PCDH15: variants seen among roughly 807,000 people sequenced by gnomAD.
PCDH15 encodes the protein protocadherin related 15.
In PCDH15, 129 loss-of-function variants were observed where a neutral mutation model predicts 178.5. That is an observed-to-expected ratio of 0.72 (90% CI 0.63 to 0.84). PCDH15 has a LOEUF of 0.84. Ranked by LOEUF, PCDH15 falls within the 40% of genes least tolerant of loss-of-function variation. The pLI is 0.00. For missense variants in PCDH15, 2,230 were observed against 2,099.9 expected (o/e 1.06, Z -1.21); for synonymous variants, 800 against 732.0 (o/e 1.09, Z -1.50).
chr10:53,813,074 G>A (rs1588889271), intron 35 of PCDH15, among the ~76,000 whole-genome samples: 1 of 152,064 alleles, frequency 6.6e-6, no homozygotes, highest in Admixed American at 6.6e-5. Flanking sequence ...CACTGTGGAT[G>A]TTGGTTTCTC....
intron 2 of PCDH15, among the ~76,000 whole-genome samples, chr10:54,952,703 T>C (rs1838376360): frequency 6.6e-6 from 1 of 151,742 alleles, no homozygotes; most frequent in Non-Finnish European, 1.5e-5. Flanking sequence ...CATATAGGCA[T>C]TGTACACATT....
intron 2 of PCDH15, among the ~76,000 whole-genome samples, chr10:54,961,244 C>A (rs1282656616): frequency 6.6e-6 from 1 of 152,162 alleles, no homozygotes; most frequent in African/African-American, 2.4e-5. Flanking sequence ...ACACTCCAGG[C>A]AGCACTGACA....
chr10:54,253,307 G>T lies in PCDH15; in HGVS notation c.877-16376C>A, dbSNP rs563188636. On this transcript the variant is annotated intron_variant, in intron 8 of 37. Transcript: ENST00000644397. ...TACTGCATTTTCCTACAGTTTTTTT[G>T]GGTATATTCTATATGGAATGAACAC... is the stretch of plus-strand genomic sequence containing the variant. Among the ~76,000 whole-genome samples, 45 of 151,878 alleles carry T rather than the reference G, an allele frequency of 3.0e-4. 1 individual carries two copies. The highest frequency in any genetic ancestry group is 5.7e-4 in the Non-Finnish European group (39 of 67,876).
At chr10:54,424,759 A>G (rs1956039655) in intron 3 of PCDH15, among the ~76,000 whole-genome samples, 1 of 151,416 alleles carries the variant, frequency 6.6e-6, no homozygotes, top group Admixed American at 6.6e-5. Context: ...TATCACAAGG[A>G]CTAAAAACCA....
At chr10:55,034,762 T>A (rs987423264) in intron 2 of PCDH15, among the ~76,000 whole-genome samples, 2 of 152,210 alleles carry the variant, frequency 1.3e-5, no homozygotes, top group Non-Finnish European at 2.9e-5. Context: ...TAAAAACCTG[T>A]GATATGTCAT....
At chr10:55,400,315 C>T (rs537462777) in intron 2 of PCDH15, among the ~76,000 whole-genome samples, 158 of 152,188 alleles carry the variant, frequency 1.0e-3, no homozygotes, top group Non-Finnish European at 1.8e-3. Context: ...GGAATTTCCC[C>T]TTCAAGTCTC....
At chr10:55,067,516 T>C (rs896820802) in intron 2 of PCDH15, among the ~76,000 whole-genome samples, 2 of 152,098 alleles carry the variant, frequency 1.3e-5, no homozygotes, top group African/African-American at 4.8e-5. Context: ...ATCTTTGTTA[T>C]TGTGAATAGT....
chr10:54,227,711 C>T (rs552084951), intron 9 of PCDH15, among the ~76,000 whole-genome samples: 1 of 152,230 alleles, frequency 6.6e-6, no homozygotes, highest in East Asian at 1.9e-4. Context: ...GCTCTGTTTC[C>T]CTAATAAAAC....
At chr10:54,199,104 A>T (rs1311483593) in intron 10 of PCDH15, among the ~76,000 whole-genome samples, 1 of 152,200 alleles carries the variant, frequency 6.6e-6, no homozygotes, top group Admixed American at 6.5e-5. Flanking sequence ...TAACTTCCTC[A>T]TATCTATAAA....
chr10:55,176,343 T>C (rs1415053779), intron 1 of PCDH15, among the ~76,000 whole-genome samples: 1 of 152,132 alleles, frequency 6.6e-6, no homozygotes, highest in Admixed American at 6.5e-5. Context: ...TTAGCTCCTA[T>C]GGGAACCACC....
intron 2 of PCDH15, among the ~76,000 whole-genome samples, chr10:54,918,392 G>A (rs940164639): frequency 4.6e-5 from 7 of 152,130 alleles, no homozygotes; most frequent in Non-Finnish European, 8.8e-5. Flanking sequence ...ACCTTATAAC[G>A]GAGAGTAATT....
chr10:54,575,435 A>G (rs1222028757), intron 2 of PCDH15, among the ~76,000 whole-genome samples: 1 of 152,142 alleles, frequency 6.6e-6, no homozygotes, highest in Non-Finnish European at 1.5e-5. Flanking sequence ...AAGACAGAAA[A>G]AAATTGGCTT....
chr10:54,365,008 C>T (rs1186256258), intron 5 of PCDH15, among the ~76,000 whole-genome samples: 4 of 152,064 alleles, frequency 2.6e-5, no homozygotes, highest in Admixed American at 6.6e-5. Flanking sequence ...CCCCTTATGC[C>T]TCATCTTATC....
intron 25 of PCDH15, among the ~76,000 whole-genome samples, chr10:53,905,397 GA>G (rs1564734641): frequency 6.6e-6 from 1 of 152,088 alleles, no homozygotes; most frequent in African/African-American, 2.4e-5. Context: ...GCAGTGGCAC[GA>G]TCTCGGCTCA....
rs1565511357 is a variant in PCDH15, at chr10:54,527,894, A to G, written c.92-17T>C. 1.3e-6 allele frequency: 2 copies of G among 1,596,108 alleles called. 1 individual carries two copies. The highest frequency in any genetic ancestry group is 1.7e-6 in the Non-Finnish European group (2 of 1,164,078). On this transcript the variant is annotated splice_polypyrimidine_tract_variant and intron_variant, in intron 2 of 37. Transcript: ENST00000644397. ...GTTTGCAATCTAAAGAGAGAAAATA[A>G]CCAAAAGTAATAATTGACTGCAGGG...
At chr10:54,446,995 T>C (rs986187139) in intron 3 of PCDH15, among the ~76,000 whole-genome samples, 18 of 151,632 alleles carry the variant, frequency 1.2e-4, no homozygotes, top group African/African-American at 4.1e-4. Context: ...AACTTCCCCA[T>C]TGGTTCCCTA....
chr10:54,888,149 C>T (rs1954393386), intron 3 of PCDH15, among the ~76,000 whole-genome samples: 1 of 152,076 alleles, frequency 6.6e-6, no homozygotes, highest in Non-Finnish European at 1.5e-5. Flanking sequence ...ATGTATCACC[C>T]CCAGAAGTTT....
chr10:54,306,146 T>C (rs762130373), intron 8 of PCDH15, among the ~76,000 whole-genome samples: 10 of 151,860 alleles, frequency 6.6e-5, no homozygotes, highest in Non-Finnish European at 1.0e-4. Flanking sequence ...AAAAAAAAAT[T>C]TGATGGTTTG....
chr10:54,300,853 G>T (rs2060107765), intron 8 of PCDH15, among the ~76,000 whole-genome samples: 1 of 152,150 alleles, frequency 6.6e-6, no homozygotes, highest in Non-Finnish European at 1.5e-5. Context: ...ATGTGGATGG[G>T]GCCAAATAAG....
Sources: allele counts gnomAD v4.1 joint callset (sites outside exome capture counted in the v4.1 genomes callset), GRCh38; gene constraint gnomAD v4.1.1; transcripts MANE v1.5; gene names NCBI Gene and HGNC (gene_info 2026-07-23, HGNC 2026-07-21).